The following BCKDHB variants were observed in gnomAD, a reference collection of about 807,000 sequenced individuals.
BCKDHB encodes 2-oxoisovalerate dehydrogenase subunit beta, mitochondrial.
Under a neutral mutation model 48.5 loss-of-function variants are expected in BCKDHB, and 41 were observed. The observed-to-expected ratio is 0.85, with a 90% CI of 0.66 to 1.10. The LOEUF is 1.10. Ranked by LOEUF, BCKDHB falls within the 50% of genes least tolerant of loss-of-function variation. The pLI is 0.00. For synonymous variants in BCKDHB, 201 were observed against 174.8 expected (o/e 1.15, Z -1.18); for missense variants, 496 against 494.2 (o/e 1.00, Z -0.03).
intron 9 of BCKDHB, among the ~76,000 whole-genome samples, chr6:80,338,396 C>T (rs2179839): frequency 0.78 from 117,623 of 151,726 alleles, 45,953 homozygotes; most frequent in Admixed American, 0.84. Flanking sequence ...AGCCCCCGAC[C>T]CCGGAACCAG....
At chr6:80,348,110 T>TA (rs1247051972), downstream of BCKDHB, among the ~76,000 whole-genome samples, 5 of 151,602 alleles carry the variant, frequency 3.3e-5, no homozygotes, top group Non-Finnish European at 5.9e-5. Context: ...GTGTACATTT[T>TA]AAAAAAAAAT....
intron 9 of BCKDHB, among the ~76,000 whole-genome samples, chr6:80,335,245 AAAG>A (rs1554215010): frequency 9.5e-6 from 1 of 105,760 alleles, no homozygotes; most frequent in African/African-American, 2.7e-5. Context: ...AAAAAAAAAA[AAAG>A]AAGAAAAATT....
At chr6:80,362,459 C>T in the BCKDHB span, among the ~76,000 whole-genome samples, 3 of 152,192 alleles carry the variant, frequency 2.0e-5, no homozygotes, top group African/African-American at 7.2e-5. Context: ...TTTCAGTCCT[C>T]CGGCTAACCA....
At chr6:80,120,507 A>G (rs1458870050) in intron 1 of BCKDHB, among the ~76,000 whole-genome samples, 1 of 152,072 alleles carries the variant, frequency 6.6e-6, no homozygotes, top group East Asian at 1.9e-4. Context: ...ATTTCTCCAC[A>G]TCCTCTCCAG....
intron 3 of BCKDHB, among the ~76,000 whole-genome samples, chr6:80,149,900 G>T (rs1771682015): frequency 6.6e-6 from 1 of 151,602 alleles, no homozygotes; most frequent in South Asian, 2.1e-4. Context: ...AATGGGTGCA[G>T]CATACCAGCA....
the BCKDHB span, among the ~76,000 whole-genome samples, chr6:80,431,307 G>A: frequency 1.3e-5 from 2 of 152,200 alleles, no homozygotes; most frequent in Admixed American, 6.5e-5. Flanking sequence ...TTGATTTGGG[G>A]TGGAGAGTTC....
the BCKDHB span, among the ~76,000 whole-genome samples, chr6:80,409,388 A>G: frequency 0.025 from 3,789 of 151,386 alleles, 154 homozygotes; most frequent in African/African-American, 0.087. Flanking sequence ...GTAGATGTCT[A>G]TTAGGTCCAC....
intron 9 of BCKDHB, among the ~76,000 whole-genome samples, chr6:80,340,655 T>G (rs1769840985): frequency 6.6e-6 from 1 of 152,216 alleles, no homozygotes; most frequent in South Asian, 2.1e-4. Context: ...TTAATCTGAA[T>G]TGTCATGAAA....
intron 9 of BCKDHB, among the ~76,000 whole-genome samples, chr6:80,297,765 A>G (rs1767328664): frequency 6.6e-6 from 1 of 152,174 alleles, no homozygotes; most frequent in Non-Finnish European, 1.5e-5. Flanking sequence ...AGAGATGAGT[A>G]TCTCCCATAA....
At chr6:80,414,230 C>A in the BCKDHB span, among the ~76,000 whole-genome samples, 8 of 152,012 alleles carry the variant, frequency 5.3e-5, no homozygotes, top group African/African-American at 1.7e-4. Flanking sequence ...CAAATTTTTT[C>A]TCCCATTCTG....
At chr6:80,306,730 T>C (rs1043397693) in intron 9 of BCKDHB, among the ~76,000 whole-genome samples, 1 of 152,132 alleles carries the variant, frequency 6.6e-6, no homozygotes, top group African/African-American at 2.4e-5. Flanking sequence ...CATGGAGATA[T>C]ATCTTTTCAT....
At chr6:80,253,710 G>T (rs1474774061) in intron 8 of BCKDHB, among the ~76,000 whole-genome samples, 8 of 152,066 alleles carry the variant, frequency 5.3e-5, no homozygotes, top group Admixed American at 5.2e-4. Context: ...AGTCACAGGA[G>T]ATCTTTTGCC....
chr6:80,138,881 G>C (rs1236197904), intron 3 of BCKDHB, among the ~76,000 whole-genome samples: 3 of 152,296 alleles, frequency 2.0e-5, no homozygotes, highest in Admixed American at 1.3e-4. Flanking sequence ...TCGCCACACT[G>C]ACTTCCACAA....
chr6:80,355,992 G>A, the BCKDHB span: 5 of 152,264 alleles, frequency 3.3e-5, no homozygotes, highest in African/African-American at 4.8e-5. Flanking sequence ...TCCCAAATTA[G>A]TGTGACTGGT....
intron 3 of BCKDHB, among the ~76,000 whole-genome samples, chr6:80,136,456 A>G (rs1003788676): frequency 2.0e-5 from 3 of 152,194 alleles, no homozygotes; most frequent in African/African-American, 7.2e-5. Flanking sequence ...ATATACAAAA[A>G]TGAACTCAAA....
chr6:80,413,408 C>G, the BCKDHB span, among the ~76,000 whole-genome samples: 1 of 152,070 alleles, frequency 6.6e-6, no homozygotes, highest in East Asian at 1.9e-4. Context: ...CATATTAAGT[C>G]CAGAACCCAT....
intron 3 of BCKDHB, among the ~76,000 whole-genome samples, chr6:80,130,108 C>G (rs1318698510): frequency 6.6e-6 from 1 of 152,058 alleles, no homozygotes; most frequent in Non-Finnish European, 1.5e-5. Context: ...GCATTTTGGT[C>G]CATCTTTGAA....
chr6:80,298,534 G>A (rs893566974), intron 9 of BCKDHB, among the ~76,000 whole-genome samples: 7 of 152,192 alleles, frequency 4.6e-5, no homozygotes, highest in African/African-American at 1.4e-4. Flanking sequence ...GTGGAGGAGA[G>A]GAGAATTAAC....
intron 8 of BCKDHB, among the ~76,000 whole-genome samples, chr6:80,231,436 G>A (rs1418478731): frequency 6.6e-6 from 1 of 152,086 alleles, no homozygotes; most frequent in African/African-American, 2.4e-5. Flanking sequence ...AAAAATATTT[G>A]CAACACATAT....
Sources: gnomAD v4.1 joint callset for allele counts (sites outside exome capture counted in the v4.1 genomes callset) on GRCh38, gnomAD v4.1.1 for gene constraint, MANE v1.5 for transcripts, NCBI Gene and HGNC (gene_info 2026-07-23, HGNC 2026-07-21) for gene names.